SUSD1: variants seen among roughly 807,000 people sequenced by gnomAD.
SUSD1 encodes sushi domain-containing protein 1.
Under a neutral mutation model 86.9 loss-of-function variants are expected in SUSD1, and 65 were observed. The observed-to-expected ratio is 0.75, with a 90% CI of 0.61 to 0.92. The LOEUF (loss-of-function observed/expected upper bound fraction) is 0.92. SUSD1 is among the 40% of genes least tolerant of loss of function. SUSD1 has a pLI of 0.00. For missense variants in SUSD1, 850 were observed against 929.7 expected (o/e 0.91, Z 1.11); for synonymous variants, 346 against 350.0 (o/e 0.99, Z 0.13).
At chr9:112,137,263 GGGAGGA>G (rs145497301) in intron 5 of SUSD1, among the ~76,000 whole-genome samples, 6 of 151,630 alleles carry the variant, frequency 4.0e-5, no homozygotes, top group South Asian at 2.1e-4. Flanking sequence ...AGTGACACAG[GGGAGGA>G]GGAGGAGGAG....
chr9:112,170,752 T>C (rs1329460437), intron 1 of SUSD1, among the ~76,000 whole-genome samples: 2 of 145,742 alleles, frequency 1.4e-5, no homozygotes, highest in African/African-American at 5.1e-5. Flanking sequence ...CTCTGTCACC[T>C]AGGCTGGAGT....
chr9:112,153,078 C>G (rs1214980879), intron 2 of SUSD1, among the ~76,000 whole-genome samples: 1 of 151,880 alleles, frequency 6.6e-6, no homozygotes, highest in African/African-American at 2.4e-5. Context: ...AGAGCCTGGG[C>G]AACATAATGA....
At chr9:112,139,382 T>C (rs1015006986) in intron 5 of SUSD1, among the ~76,000 whole-genome samples, 3 of 152,182 alleles carry the variant, frequency 2.0e-5, no homozygotes, top group African/African-American at 7.2e-5. Flanking sequence ...CCCAGATTAA[T>C]TCATTCCAGC....
intron 10 of SUSD1, among the ~76,000 whole-genome samples, chr9:112,093,879 C>T (rs890402247): frequency 6.6e-6 from 1 of 152,170 alleles, no homozygotes; most frequent in African/African-American, 2.4e-5. Context: ...TCAGACAAAG[C>T]TCTAAGACAT....
intron 10 of SUSD1, among the ~76,000 whole-genome samples, chr9:112,096,952 T>C (rs1830420082): frequency 6.6e-6 from 1 of 152,128 alleles, no homozygotes; most frequent in South Asian, 2.1e-4. Context: ...AGGTTTATGA[T>C]GTCATGAGGT....
At chr9:112,148,603 A>G (rs1041376876) in intron 3 of SUSD1, among the ~76,000 whole-genome samples, 13 of 152,050 alleles carry the variant, frequency 8.5e-5, no homozygotes, top group African/African-American at 3.1e-4. Context: ...GTCCCTCCTC[A>G]CTATTCATTA....
At chr9:112,138,425 A>T (rs907781881) in intron 5 of SUSD1, among the ~76,000 whole-genome samples, 6 of 149,686 alleles carry the variant, frequency 4.0e-5, no homozygotes, top group African/African-American at 1.5e-4. Flanking sequence ...TGTAACTCTG[A>T]AACATACTAT....
chr9:112,070,187 G>C (rs1292092711), intron 12 of SUSD1, among the ~76,000 whole-genome samples: 3 of 152,016 alleles, frequency 2.0e-5, no homozygotes, highest in Admixed American at 2.0e-4. Context: ...TGTATTTTTA[G>C]TAGAGACGGG....
At chr9:112,060,646 TC>T (rs777292522) in intron 13 of SUSD1, among the ~76,000 whole-genome samples, 108 of 152,288 alleles carry the variant, frequency 7.1e-4, no homozygotes, top group Middle Eastern at 6.8e-3. Flanking sequence ...CCAAGGGCTT[TC>T]TACAAAAGAG....
At chr9:112,142,532 C>T in intron 4 of SUSD1, 33 bp from the exon 5 acceptor site, 5 of 1,594,386 alleles carry the variant, frequency 3.1e-6, no homozygotes, top group Middle Eastern at 1.7e-4. Context: ...TTCATTACCT[C>T]GTGAATGTAA....
chr9:112,059,363 G>T (rs940903099), intron 13 of SUSD1, among the ~76,000 whole-genome samples: 29 of 152,182 alleles, frequency 1.9e-4, no homozygotes, highest in Admixed American at 1.3e-4. Context: ...ATTTTCACGT[G>T]GGCAAATAAA....
intron 2 of SUSD1, among the ~76,000 whole-genome samples, chr9:112,154,351 A>AAAAG (rs1554774532): frequency 1.4e-5 from 2 of 141,758 alleles, no homozygotes; most frequent in African/African-American, 2.7e-5. Context: ...AAAAAAAAAA[A>AAAAG]AGAGAGAGAA....
chr9:112,077,321 C>T (rs1369212961), intron 12 of SUSD1, among the ~76,000 whole-genome samples: 1 of 151,898 alleles, frequency 6.6e-6, no homozygotes, highest in Non-Finnish European at 1.5e-5. Context: ...CCTCACCTGA[C>T]TACTTCTAAT....
intron 10 of SUSD1, among the ~76,000 whole-genome samples, chr9:112,083,607 T>A (rs1003223876): frequency 2.6e-5 from 4 of 152,224 alleles, no homozygotes; most frequent in African/African-American, 9.6e-5. Context: ...GATATTAAAT[T>A]TTAATTGTAT....
At chr9:112,064,832 T>A (rs1828903354) in intron 12 of SUSD1, among the ~76,000 whole-genome samples, 1 of 146,314 alleles carries the variant, frequency 6.8e-6, no homozygotes, top group South Asian at 2.2e-4. Flanking sequence ...GCCAAGATCA[T>A]GCCACTGCAC....
At chr9:112,164,026 T>TA (rs1219049510) in intron 1 of SUSD1, among the ~76,000 whole-genome samples, 2 of 151,028 alleles carry the variant, frequency 1.3e-5, no homozygotes, top group African/African-American at 4.9e-5. Context: ...ATAAAAAAAA[T>TA]AAAAAAACTT....
At chr9:112,108,050 T>C (rs1830924301) in intron 8 of SUSD1, among the ~76,000 whole-genome samples, 1 of 152,052 alleles carries the variant, frequency 6.6e-6, no homozygotes, top group African/African-American at 2.4e-5. Flanking sequence ...CAAAATGTAA[T>C]AAAACTAGAA....
chr9:112,068,966 A>C (rs1829121501), intron 12 of SUSD1, among the ~76,000 whole-genome samples: 1 of 152,160 alleles, frequency 6.6e-6, no homozygotes, highest in African/African-American at 2.4e-5. Flanking sequence ...GACGAGAAGC[A>C]GCTCACTTCT....
At chr9:112,058,312 T>C in intron 14 of SUSD1, 116 bp downstream of exon 14, 1 of 1,325,368 alleles carries the variant, frequency 7.5e-7, no homozygotes, top group Non-Finnish European at 1.0e-6. Flanking sequence ...CACAAACATT[T>C]TGTGATTGTT....
Sources: allele counts gnomAD v4.1 joint callset (sites outside exome capture counted in the v4.1 genomes callset), GRCh38; gene constraint gnomAD v4.1.1; transcripts MANE v1.5; gene names NCBI Gene and HGNC (gene_info 2026-07-23, HGNC 2026-07-21).